FBXL20: variants seen among roughly 807,000 people sequenced by gnomAD.
FBXL20 encodes the protein F-box and leucine rich repeat protein 20, also known as F-box/LRR-repeat protein 20.
FBXL20 carries 11 observed loss-of-function variants against 64.0 expected under a neutral mutation model. That is an observed-to-expected ratio of 0.17 (90% CI 0.11 to 0.28). The LOEUF is 0.28. Among genes scored for constraint, FBXL20 ranks in the 10% least tolerant of loss-of-function variants. FBXL20 has a pLI of 1.00. For missense variants in FBXL20, 303 were observed against 526.2 expected (o/e 0.58, Z 4.15); for synonymous variants, 184 against 189.0 (o/e 0.97, Z 0.22).
chr17:39,356,311 G>C (rs1167502926), intron 1 of FBXL20, among the ~76,000 whole-genome samples: 3 of 151,816 alleles, frequency 2.0e-5, no homozygotes, highest in South Asian at 2.1e-4. Context: ...TATGAGGTGA[G>C]AGCACAACTT....
chr17:39,279,093 G>A lies in FBXL20; in HGVS notation c.696+2296C>T, dbSNP rs139181579. 4.7e-3 allele frequency among the ~76,000 whole-genome samples: 720 copies of A among 152,080 alleles called. 54 individuals carry two copies. In the East Asian group the frequency reaches 0.13, roughly 27 times the overall value. Reference sequence around the variant, plus strand: ...TGGGAGATGGAGGTTGCAGAGAGCCGAGATCGCACCACTGCACTCCAGCCT... The same window carrying A: ...TGGGAGATGGAGGTTGCAGAGAGCCAAGATCGCACCACTGCACTCCAGCCT... On this transcript the variant is annotated intron_variant, in intron 9 of 14. Transcript: ENST00000264658.
intron 1 of FBXL20, among the ~76,000 whole-genome samples, chr17:39,393,457 T>C (rs986351687): frequency 2.0e-5 from 3 of 152,146 alleles, no homozygotes; most frequent in Non-Finnish European, 2.9e-5. Context: ...TTTATATATT[T>C]ATTGCCAACC....
chr17:39,266,659 T>G (rs2144344413), intron 12 of FBXL20, among the ~76,000 whole-genome samples: 1 of 152,348 alleles, frequency 6.6e-6, no homozygotes, highest in Non-Finnish European at 1.5e-5. Flanking sequence ...CATGTCTTAT[T>G]CTTGACTACA....
chr17:39,330,395 C>T (rs2144536537), intron 2 of FBXL20, among the ~76,000 whole-genome samples: 1 of 152,276 alleles, frequency 6.6e-6, no homozygotes, highest in East Asian at 1.9e-4. Flanking sequence ...AGGCGGATCA[C>T]ATGAGGTCAG....
intron 1 of FBXL20, among the ~76,000 whole-genome samples, chr17:39,366,830 A>G (rs2047864427): frequency 6.7e-6 from 1 of 150,016 alleles, no homozygotes; most frequent in East Asian, 1.9e-4. Flanking sequence ...TCCTCAGTTT[A>G]CCAAAATTTC....
intron 1 of FBXL20, among the ~76,000 whole-genome samples, chr17:39,379,640 G>A (rs1375384202): frequency 1.3e-5 from 2 of 151,828 alleles, no homozygotes; most frequent in Admixed American, 6.6e-5. Context: ...AATTAGCTGG[G>A]CGTGGTGGTA....
At chr17:39,262,533 A>T (rs907672987) in intron 14 of FBXL20, among the ~76,000 whole-genome samples, 1 of 151,986 alleles carries the variant, frequency 6.6e-6, no homozygotes, top group Non-Finnish European at 1.5e-5. Context: ...CTCATGCCTC[A>T]GCTTCCCAAA....
chr17:39,358,706 AC>A lies in FBXL20; in HGVS notation c.43-15466del, dbSNP rs539773410. On this transcript the variant is annotated intron_variant, in intron 1 of 14. Coordinates refer to ENST00000264658, the MANE Select transcript of FBXL20 (RefSeq NM_032875.3). ...CAAAAAAAAACAAAAAAACAAAAAA[AC>A]AAACAAAAAAAACACCTCTCAGTAG... Among the ~76,000 whole-genome samples, 42 of 152,076 alleles carry A rather than the reference AC, an allele frequency of 2.8e-4. No individual in the cohort carries two copies. In the South Asian group the frequency reaches 8.3e-3, roughly 30 times the overall value.
chr17:39,336,188 G>GTAAC (rs1285665283), intron 2 of FBXL20, among the ~76,000 whole-genome samples: 2 of 152,106 alleles, frequency 1.3e-5, no homozygotes, highest in Non-Finnish European at 2.9e-5. Context: ...TAAATTATTG[G>GTAAC]TAACTTGGCT....
chr17:39,285,437 T>A, intron 7 of FBXL20, 41 bp downstream of exon 7: 1 of 1,361,064 alleles, frequency 7.3e-7, no homozygotes, highest in Non-Finnish European at 1.0e-6. Context: ...AAATATGTAT[T>A]TTTTTTTGAT....
At chr17:39,347,130 G>C (rs2144581467) in intron 1 of FBXL20, among the ~76,000 whole-genome samples, 1 of 152,286 alleles carries the variant, frequency 6.6e-6, no homozygotes, top group South Asian at 2.1e-4. Flanking sequence ...TTGCTATTGT[G>C]AATAGTGCTG....
intron 6 of FBXL20, among the ~76,000 whole-genome samples, chr17:39,289,187 T>C (rs1188910276): frequency 6.6e-6 from 1 of 152,176 alleles, no homozygotes; most frequent in East Asian, 1.9e-4. Context: ...AATCAGGTAG[T>C]ATAAGTCCCC....
intron 1 of FBXL20, among the ~76,000 whole-genome samples, chr17:39,395,758 G>C (rs2144685474): frequency 6.6e-6 from 1 of 152,282 alleles, no homozygotes; most frequent in South Asian, 2.1e-4. Context: ...GATGCTAAAA[G>C]TTTTAATGGA....
chr17:39,319,957 G>A (rs977000125), intron 2 of FBXL20, among the ~76,000 whole-genome samples: 2 of 151,816 alleles, frequency 1.3e-5, no homozygotes, highest in Non-Finnish European at 2.9e-5. Context: ...TTACTTTGAC[G>A]GGCTGATTTT....
chr17:39,268,353 C>CA (rs2046810775), intron 12 of FBXL20, among the ~76,000 whole-genome samples: 2 of 151,756 alleles, frequency 1.3e-5, no homozygotes, highest in African/African-American at 2.4e-5. Context: ...AATTCCATCT[C>CA]AAAAAAATAA....
intron 9 of FBXL20, 104 bp from the exon 10 acceptor site, chr17:39,275,204 A>G: frequency 3.3e-6 from 4 of 1,212,686 alleles, no homozygotes; most frequent in Non-Finnish European, 3.4e-6. Context: ...AAGGAAATCA[A>G]GACATGCTTA....
chr17:39,397,706 T>C lies in FBXL20; in HGVS notation c.42+3655A>G, dbSNP rs939537199. Among the ~76,000 whole-genome samples the C allele has an allele frequency of 3.9e-5, 6 of 152,002 alleles. No individual in the cohort carries two copies. In the South Asian group the frequency reaches 6.2e-4, roughly 16 times the overall value. Reference sequence around the variant, plus strand: ...TAATCACACCTGTAATTCTAACACTTTGGGAGGCCGGCGAAAGGATTGCTC... The same window carrying C: ...TAATCACACCTGTAATTCTAACACTCTGGGAGGCCGGCGAAAGGATTGCTC... On this transcript the variant is annotated intron_variant, in intron 1 of 14. Transcript: ENST00000264658.
At position 39,278,001 on chromosome 17, in the gene FBXL20, ATTCCTGCCTGC is replaced by A. The variant is rs201006938; in HGVS notation, c.697-2912_697-2902del. The stretch of plus-strand genomic sequence containing the variant: ...GAATTGGTTCTTTACGTTCACTGTG[ATTCCTGCCTGC>A]TGGAAGGATGAAGAAACACCAAACT... On this transcript the variant is annotated intron_variant, in intron 9 of 14. Coordinates refer to ENST00000264658, the MANE Select transcript of FBXL20 (RefSeq NM_032875.3). Among the ~76,000 whole-genome samples the A allele has an allele frequency of 9.3e-3, 1,418 of 152,306 alleles. 16 individuals are homozygous for A. The highest frequency in any genetic ancestry group is 0.032 in the African/African-American group (1,340 of 41,574).
chr17:39,399,987 T>C (rs1456088237), intron 1 of FBXL20, among the ~76,000 whole-genome samples: 2 of 152,218 alleles, frequency 1.3e-5, no homozygotes, highest in African/African-American at 4.8e-5. Flanking sequence ...GCAATTTTAG[T>C]GACATTCTGG....
Sources: gnomAD v4.1 joint callset for allele counts (sites outside exome capture counted in the v4.1 genomes callset) on GRCh38, gnomAD v4.1.1 for gene constraint, MANE v1.5 for transcripts, NCBI Gene and HGNC (gene_info 2026-07-23, HGNC 2026-07-21) for gene names.